Variants in DHX57 observed in about 807,000 individuals in gnomAD.
DHX57 encodes the protein DExH-box helicase 57, also known as putative ATP-dependent RNA helicase DHX57.
A neutral mutation model predicts 156.2 loss-of-function variants in DHX57; 105 were observed. That is an observed-to-expected ratio of 0.67 (90% CI 0.57 to 0.79). DHX57 has a LOEUF of 0.79. Among genes scored for constraint, DHX57 ranks in the 30% least tolerant of loss-of-function variants. DHX57 has a pLI of 0.00. For synonymous variants in DHX57, 704 were observed against 595.6 expected, an observed-to-expected ratio of 1.18 and a Z score of -2.65; for missense variants, 1,847 against 1,661.9, an observed-to-expected ratio of 1.11 and a Z score of -1.94.
intron 21 of DHX57, among the ~76,000 whole-genome samples, chr2:38,807,945 CTTTTT>C (rs34221239): frequency 7.4e-5 from 4 of 54,252 alleles, no homozygotes; most frequent in Non-Finnish European, 1.4e-4. Context: ...TGTGTCTTGC[CTTTTT>C]TTTTTTTTTT....
chr2:38,836,049 C>G (rs1671638188), intron 13 of DHX57, among the ~76,000 whole-genome samples: 1 of 152,138 alleles, frequency 6.6e-6, no homozygotes, highest in Non-Finnish European at 1.5e-5. Context: ...AGCAGCAGTG[C>G]CAGCAAACAC....
chr2:38,832,789 C>T (rs1000897693), intron 13 of DHX57, among the ~76,000 whole-genome samples: 8 of 151,866 alleles, frequency 5.3e-5, no homozygotes, highest in African/African-American at 9.7e-5. Flanking sequence ...CCACCCACCT[C>T]GGCCTCCCAA....
chr2:38,818,032 C>G (rs1475714535), intron 19 of DHX57, among the ~76,000 whole-genome samples: 1 of 152,004 alleles, frequency 6.6e-6, no homozygotes, highest in East Asian at 1.9e-4. Context: ...ATAGTAGGTT[C>G]TGATAGATGT....
intron 10 of DHX57, among the ~76,000 whole-genome samples, chr2:38,847,671 A>G (rs1276403166): frequency 6.6e-6 from 1 of 152,236 alleles, no homozygotes; most frequent in Non-Finnish European, 1.5e-5. Context: ...ATATACTGTC[A>G]CAGACACAAG....
rs1669485848 is a variant in DHX57, at chr2:38,798,291, A to G, written c.*8T>C. The G allele has an allele frequency of 1.9e-6, 3 of 1,610,920 alleles. No individual in the cohort carries two copies. The South Asian group carries it at 3.3e-5, about 18-fold the overall frequency. ...AGGTGAGTAGCAAGCACTCTCTAAG[A>G]CTGCTTTTTATTGTGTGGTGACAAG... On this transcript the variant is annotated 3_prime_UTR_variant, in exon 24 of 24. Coordinates refer to ENST00000457308, the MANE Select transcript of DHX57 (RefSeq NM_198963.3).
At chr2:38,810,916 A>G in intron 21 of DHX57, 1 of 806,594 alleles carries the variant, frequency 1.2e-6, no homozygotes, top group Non-Finnish European at 2.1e-6. Flanking sequence ...GACTTCATTC[A>G]GGTACATGAA....
chr2:38,867,496 G>T (rs1296092500), intron 2 of DHX57, among the ~76,000 whole-genome samples: 1 of 152,156 alleles, frequency 6.6e-6, no homozygotes, highest in Non-Finnish European at 1.5e-5. Context: ...TGGCTGATTT[G>T]GCTGGAAAAT....
chr2:38,872,755 G>T (rs1260056727), intron 1 of DHX57, among the ~76,000 whole-genome samples: 1 of 152,126 alleles, frequency 6.6e-6, no homozygotes, highest in African/African-American at 2.4e-5. Context: ...AATGAAGGGA[G>T]AATTAGACAA....
chr2:38,824,712 A>C (rs1671005378), intron 16 of DHX57, among the ~76,000 whole-genome samples: 1 of 152,140 alleles, frequency 6.6e-6, no homozygotes, highest in African/African-American at 2.4e-5. Context: ...CAATGGTATG[A>C]TCTTGGCTCA....
chr2:38,798,512 C>G (rs1463582461), intron 23 of DHX57, 70 bp from the exon 24 acceptor site: 1 of 1,477,086 alleles, frequency 6.8e-7, no homozygotes, highest in Non-Finnish European at 9.0e-7. Flanking sequence ...AGGGAAATAC[C>G]CAAGTTATGA....
chr2:38,812,397 C>T (rs574783371), intron 21 of DHX57, among the ~76,000 whole-genome samples: 10 of 152,300 alleles, frequency 6.6e-5, no homozygotes, highest in African/African-American at 2.2e-4. Flanking sequence ...ATTCAGTATT[C>T]TGCCAAATTG....
chr2:38,864,406 T>G (rs1224901450), intron 2 of DHX57, among the ~76,000 whole-genome samples: 1 of 151,980 alleles, frequency 6.6e-6, no homozygotes, highest in African/African-American at 2.4e-5. Context: ...AATAAAAAAA[T>G]TACACAGCAT....
chr2:38,857,682 T>C (rs1022262423), intron 6 of DHX57, among the ~76,000 whole-genome samples: 2 of 152,196 alleles, frequency 1.3e-5, no homozygotes. Flanking sequence ...CTCTGTCCTA[T>C]CTCTAACTTT....
chr2:38,825,773 G>A, intron 16 of DHX57, 74 bp downstream of exon 16: 1 of 1,482,392 alleles, frequency 6.7e-7, no homozygotes. Context: ...AGAAGTAAAA[G>A]GAAAACATGG....
chr2:38,862,939 G>A (rs552299295), intron 3 of DHX57: 25 of 158,398 alleles, frequency 1.6e-4, no homozygotes, highest in Middle Eastern at 6.6e-3. Context: ...GAGCCGAAAT[G>A]CAGTAGAGTG....
intron 11 of DHX57, among the ~76,000 whole-genome samples, chr2:38,844,764 G>A (rs1055615917): frequency 1.4e-4 from 22 of 152,032 alleles, no homozygotes; most frequent in Middle Eastern, 3.4e-3. Flanking sequence ...GACTAGAGAA[G>A]GAAGTGGGAA....
chr2:38,837,894 T>C lies in DHX57; in HGVS notation c.2479A>G (p.Asn827Asp), dbSNP rs1299102873. The change falls in exon 13 of 24, where the codon AAT (asparagine) becomes GAT (aspartate). Residue 827 changes from asparagine to aspartate, a missense_variant. Asn to Asp is a conservative substitution (Grantham distance 23). Transcript: ENST00000457308. ...AATAAGGCCTCTATTAATTCAAGAT[T>C]CACCTTTTCAAAATCCATGATGGAC... Reference protein sequence around the residue: ...TMSIMDFEKVNLELIEALLEW... With the variant: ...TMSIMDFEKVDLELIEALLEW... The C allele has an allele frequency of 6.2e-7, 1 of 1,613,786 alleles. No individual in the cohort carries two copies. The highest frequency in any genetic ancestry group is 8.5e-7 in the Non-Finnish European group (1 of 1,179,878).
chr2:38,845,226 C>CAT (rs151299365), intron 11 of DHX57, among the ~76,000 whole-genome samples: 65 of 149,996 alleles, frequency 4.3e-4, no homozygotes, highest in Admixed American at 8.0e-4. Context: ...AAAAAAAACC[C>CAT]ATATATATAT....
At chr2:38,832,333 G>A (rs1433360293) in intron 13 of DHX57, among the ~76,000 whole-genome samples, 6 of 151,824 alleles carry the variant, frequency 4.0e-5, no homozygotes, top group Non-Finnish European at 5.9e-5. Context: ...CCAGCTACAC[G>A]GGAGGCTGAG....
Sources: allele counts gnomAD v4.1 joint callset (sites outside exome capture counted in the v4.1 genomes callset), GRCh38; gene constraint gnomAD v4.1.1; transcripts MANE v1.5; gene names NCBI Gene and HGNC (gene_info 2026-07-23, HGNC 2026-07-21).